ACSF3: variants seen among roughly 807,000 people sequenced by gnomAD.
ACSF3 encodes acyl-CoA synthetase family member 3, also known as malonate--CoA ligase ACSF3, mitochondrial.
ACSF3 carries 78 observed loss-of-function variants against 53.2 expected under a neutral mutation model. The ratio of observed to expected loss-of-function variants is 1.47; its 90% CI spans 1.22 to 1.77. The LOEUF (loss-of-function observed/expected upper bound fraction) is 1.77. Ranked by LOEUF, ACSF3 falls within the 40% of genes most tolerant of loss-of-function variation. The pLI is 0.00. For missense variants in ACSF3, 937 were observed against 771.1 expected (o/e 1.22, Z -2.55); for synonymous variants, 414 against 333.1 (o/e 1.24, Z -2.65).
intron 10 of ACSF3, 44 bp from the exon 11 acceptor site, chr16:89,154,046 G>A (rs780841792): frequency 1.9e-6 from 3 of 1,589,690 alleles, no homozygotes; most frequent in South Asian, 2.2e-5. Flanking sequence ...CTCCTGCTGG[G>A]CACTGTCAGG....
intron 6 of ACSF3, among the ~76,000 whole-genome samples, chr16:89,118,294 G>A (rs935697915): frequency 1.3e-5 from 2 of 150,040 alleles, no homozygotes; most frequent in African/African-American, 4.9e-5. Context: ...TTTTATCCTT[G>A]CCTTTAAATC....
rs1037470461 is a variant in ACSF3 at position 89,098,600 on chromosome 16, C to T, written c.-184C>T. The T allele has an allele frequency of 3.5e-5, 16 of 451,952 alleles. No homozygotes were observed. The highest frequency in any genetic ancestry group is 6.7e-5 in the Non-Finnish European group (15 of 224,992). The allele number at this position is 451,952 out of a possible 1,614,324, so 28.0% of individuals were successfully genotyped here. Reference sequence around the variant, plus strand: ...AGATGCCCGTTGACAGGTGTCCCACCGGCCTTCCGGGTTCCAGCGCCAGGC... The same window carrying T: ...AGATGCCCGTTGACAGGTGTCCCACTGGCCTTCCGGGTTCCAGCGCCAGGC... On this transcript the variant is annotated 5_prime_UTR_variant, in exon 2 of 11. Transcript: ENST00000614302.
At chr16:89,137,572 CCACCAGGAGCTCGTGGGGAAGGAT>C (rs1910861090) in intron 8 of ACSF3, among the ~76,000 whole-genome samples, 5 of 143,590 alleles carry the variant, frequency 3.5e-5, no homozygotes, top group Admixed American at 6.9e-5. Flanking sequence ...CTCGGGAGGA[CCACCAGGAGCTCGTGGGGAAGGAT>C]TGAGGGGAAG....
intron 4 of ACSF3, among the ~76,000 whole-genome samples, chr16:89,104,539 C>A (rs1332360376): frequency 2.0e-5 from 3 of 152,238 alleles, no homozygotes; most frequent in African/African-American, 7.2e-5. Flanking sequence ...GAGCTCAGGA[C>A]CCAAACCCTA....
chr16:89,112,210 A>T lies in ACSF3; in HGVS notation c.941A>T (p.Gln314Leu). The T allele has an allele frequency of 1.2e-6, 2 of 1,614,240 alleles. No individual in the cohort carries two copies. The highest frequency in any genetic ancestry group is 1.7e-6 in the Non-Finnish European group (2 of 1,180,048). ...YDRHFTQPHA[Q>L]DFLRAVCEEK... ...AGGCATTTTACCCAGCCGCACGCCCAGGATTTCTTGCGTGCAGTTTGTGAA... is the reference window on the plus strand; with the variant it reads ...AGGCATTTTACCCAGCCGCACGCCCTGGATTTCTTGCGTGCAGTTTGTGAA... The change falls in exon 5 of 11, where the codon CAG (glutamine) becomes CTG (leucine). Residue 314 changes from glutamine to leucine, a missense_variant. Physicochemically the swap from Gln to Leu is moderately radical, Grantham distance 113. Coordinates refer to ENST00000614302, the MANE Select transcript of ACSF3 (RefSeq NM_001243279.3).
Position 89,154,161 on chromosome 16 carries a change from G to A in ACSF3, c.1685G>A (p.Gly562Asp), listed in dbSNP as rs1401905863. The A allele has an allele frequency of 3.7e-6, 6 of 1,613,572 alleles. No homozygotes were observed. Among genetic ancestry groups the A allele is most frequent in the Non-Finnish European group, 5.1e-6 (6 of 1,179,828 alleles). Residue 562 changes from glycine to aspartate, a missense_variant, in exon 11 of 11, where the codon GGC becomes GAC. Physicochemically the swap from Gly to Asp is moderately conservative, Grantham distance 94 (BLOSUM62 -1). Coordinates refer to ENST00000614302, the MANE Select transcript of ACSF3 (RefSeq NM_001243279.3). The stretch of plus-strand genomic sequence containing the variant: ...GAGGAGATCCCGCGGAACCAGATGG[G>A]CAAGATTGACAAGAAGGCGCTCATC... Reference protein sequence around the residue: ...LVEEIPRNQMGKIDKKALIRH... With the variant: ...LVEEIPRNQMDKIDKKALIRH...
At position 89,101,088 on chromosome 16, in the gene ACSF3, A is replaced by T. The variant is rs1003630255; in HGVS notation, c.407A>T (p.Tyr136Phe). 2 of 1,614,026 alleles carry T rather than the reference A, an allele frequency of 1.2e-6. No individual in the cohort carries two copies. Among genetic ancestry groups the T allele is most frequent in the South Asian group, 1.1e-5 (1 of 91,082 alleles). Residue 136 changes from tyrosine (Y) to phenylalanine (F), a missense_variant, in exon 3 of 11, where the codon TAT becomes TTT. By Grantham distance (22) the Tyr-to-Phe change is conservative (BLOSUM62 3). Transcript: ENST00000614302. ...YRKHPAAQLEYVICDSQSSVV... is the reference protein window; with the variant it reads ...YRKHPAAQLEFVICDSQSSVV... Reference sequence around the variant, plus strand: ...AAGCATCCCGCGGCCCAGCTGGAGTATGTCATCTGCGACTCCCAGAGCTCT... The same window carrying T: ...AAGCATCCCGCGGCCCAGCTGGAGTTTGTCATCTGCGACTCCCAGAGCTCT...
intron 5 of ACSF3, among the ~76,000 whole-genome samples, chr16:89,112,550 T>G (rs1423030974): frequency 6.6e-6 from 1 of 152,056 alleles, no homozygotes; most frequent in African/African-American, 2.4e-5. Context: ...TCTCTCCATC[T>G]CTCCATCTAT....
rs761084443 is a variant in ACSF3, at chr16:89,114,421, C to T, written c.1060C>T (p.Arg354Trp). ...CATCACGGGCCACACCCTGCTGGAG[C>T]GGTATGGCATGACCGAGATCGGCAT... ...KNITGHTLLE[R>W]YGMTEIGMAL... Residue 354 changes from arginine (R) to tryptophan (W), a missense_variant, in exon 6 of 11, where the codon CGG becomes TGG. By Grantham distance (101) the Arg-to-Trp change is moderately radical. Coordinates refer to ENST00000614302, the MANE Select transcript of ACSF3 (RefSeq NM_001243279.3). 30 of 1,613,898 alleles carry T rather than the reference C, an allele frequency of 1.9e-5. No homozygotes were observed. Among genetic ancestry groups the T allele is most frequent in the Admixed American group, 8.3e-5 (5 of 60,034 alleles).
In ACSF3 at chr16:89,145,370, G is replaced by A. The variant is rs147538370; in HGVS notation, c.1470G>A (p.Glu490=). 6.2e-7 allele frequency: 1 copy of A among 1,614,200 alleles called. No homozygotes were observed. The highest frequency in any genetic ancestry group is 8.5e-7 in the Non-Finnish European group (1 of 1,180,020). Reference sequence around the variant, plus strand: ...ACAAGGTCAGCGCCCTGGAGGTGGAGTGGCACCTGCTGGCCCACCCCAGCA... The same window carrying A: ...ACAAGGTCAGCGCCCTGGAGGTGGAATGGCACCTGCTGGCCCACCCCAGCA... The part of the protein sequence containing the change: ...GGYKVSALEV[E]WHLLAHPSIT... The change falls in exon 9 of 11, where the codon GAG becomes GAA. Residue 490 remains glutamate, a synonymous_variant. Transcript: ENST00000614302.
chr16:89,106,863 T>C (rs1976048697), intron 4 of ACSF3, among the ~76,000 whole-genome samples: 1 of 152,150 alleles, frequency 6.6e-6, no homozygotes. Flanking sequence ...TGGGTGTCAG[T>C]GCCTGCAGGT....
intron 8 of ACSF3, among the ~76,000 whole-genome samples, chr16:89,137,337 C>T (rs1175013737): frequency 2.1e-5 from 3 of 142,536 alleles, no homozygotes; most frequent in Non-Finnish European, 3.0e-5. Context: ...GGAAGAGCCC[C>T]GGGTCTCGGG....
At chr16:89,100,016 T>C (rs8046141) in intron 2 of ACSF3, among the ~76,000 whole-genome samples, 108,799 of 151,294 alleles carry the variant, frequency 0.72, 39,709 homozygotes, top group Non-Finnish European at 0.78. Flanking sequence ...TATCACATGC[T>C]TGTGGGCCCA....
chr16:89,113,933 C>T (rs919315756), intron 5 of ACSF3: 1 of 338,396 alleles, frequency 3.0e-6, no homozygotes, highest in South Asian at 2.3e-5. Flanking sequence ...TGTGCCTGGC[C>T]GCAGCCTGCA....
chr16:89,124,283 C>T (rs146944034), intron 7 of ACSF3, among the ~76,000 whole-genome samples: 42 of 152,270 alleles, frequency 2.8e-4, no homozygotes, highest in East Asian at 2.5e-3. Flanking sequence ...TGTCATAGGA[C>T]GAGGGGGCGC....
chr16:89,095,340 G>T (rs562322913), intron 1 of ACSF3: 1 of 152,202 alleles, frequency 6.6e-6, no homozygotes, highest in Non-Finnish European at 1.5e-5. Flanking sequence ...TTTTAAAATA[G>T]TATTTTTCTT....
At chr16:89,110,772 T>C (rs1261530391) in intron 4 of ACSF3, among the ~76,000 whole-genome samples, 1 of 152,006 alleles carries the variant, frequency 6.6e-6, no homozygotes, top group African/African-American at 2.4e-5. Context: ...CAACATGGAG[T>C]GTTCCCGTCT....
intron 1 of ACSF3, among the ~76,000 whole-genome samples, chr16:89,097,357 A>T (rs763848798): frequency 6.6e-6 from 1 of 152,188 alleles, no homozygotes; most frequent in Non-Finnish European, 1.5e-5. Flanking sequence ...GGCACCTTCT[A>T]TATTGAGTGA....
In ACSF3 at chr16:89,112,181, C is replaced by G. The variant is rs753810945; in HGVS notation, c.912C>G (p.Tyr304Ter). ...PTIYTKLMEY[Y>*]DRHFTQPHAQ... is the part of the protein sequence containing the mutation. ...TATACACCAAGCTGATGGAGTACTA[C>G]GACAGGCATTTTACCCAGCCGCACG... The change falls in exon 5 of 11, where the codon TAC becomes TAG. Residue 304 changes from tyrosine (Y) to a stop codon, truncating the protein, a stop_gained. Coordinates refer to ENST00000614302, the MANE Select transcript of ACSF3 (RefSeq NM_001243279.3). LOFTEE classifies it high-confidence loss of function. 1 of 1,371,272 alleles carries G rather than the reference C, an allele frequency of 7.3e-7. No homozygotes were observed. The highest frequency in any genetic ancestry group is 2.7e-5 in the East Asian group (1 of 36,434). The allele number at this position is 1,371,272 out of a possible 1,614,324, so 84.9% of individuals were successfully genotyped here. A position where few individuals can be genotyped will look rare whatever the true frequency, so the allele number is the denominator to read the frequency against.
Sources: allele counts gnomAD v4.1 joint callset (sites outside exome capture counted in the v4.1 genomes callset), GRCh38; gene constraint gnomAD v4.1.1; transcripts MANE v1.5; gene names NCBI Gene and HGNC (gene_info 2026-07-23, HGNC 2026-07-21).